The following ARHGAP8 variants were observed in gnomAD, a reference collection of about 807,000 sequenced individuals.
ARHGAP8 encodes the protein rho GTPase-activating protein 8.
ARHGAP8 carries 62 observed loss-of-function variants against 46.1 expected under a neutral mutation model. That is an observed-to-expected ratio of 1.34 (90% CI 1.10 to 1.66). The LOEUF (loss-of-function observed/expected upper bound fraction) is 1.66. Ranked by LOEUF, ARHGAP8 falls within the 40% of genes most tolerant of loss-of-function variation. The pLI, the probability that ARHGAP8 is intolerant of heterozygous loss-of-function variation, is 0.00. For missense variants in ARHGAP8, 923 were observed against 568.4 expected (o/e 1.62, Z -6.34); for synonymous variants, 375 against 243.1 (o/e 1.54, Z -5.05).
chr22:44,821,257 C>T lies in ARHGAP8; in HGVS notation c.387-1114C>T, dbSNP rs1930118772. On this transcript the variant is annotated intron_variant, in intron 5 of 11. Transcript: ENST00000356099. ...CCATCCTGGCTAACATGTTGAAACC[C>T]CGTCTCTACTAAAAATACAAAAATT... Among the ~76,000 whole-genome samples the T allele has an allele frequency of 2.6e-5, 4 of 151,948 alleles. No individual in the cohort carries two copies. In the South Asian group the frequency reaches 6.2e-4, roughly 24 times the overall value.
At chr22:44,851,745 T>C (rs1003015284) in intron 10 of ARHGAP8, among the ~76,000 whole-genome samples, 1 of 151,290 alleles carries the variant, frequency 6.6e-6, no homozygotes, top group Non-Finnish European at 1.5e-5. Context: ...GAGGCTGAGG[T>C]GGGAGATCAC....
At chr22:44,860,271 C>G (rs569870159) in intron 11 of ARHGAP8, among the ~76,000 whole-genome samples, 5 of 152,204 alleles carry the variant, frequency 3.3e-5, no homozygotes, top group African/African-American at 9.6e-5. Context: ...TCGTGGGTGC[C>G]TTAAAACAGA....
rs527743751 is a variant in ARHGAP8, at chr22:44,862,423, A to T, written c.1130A>T (p.Tyr377Phe). 6.2e-7 allele frequency: 1 copy of T among 1,614,064 alleles called. No individual in the cohort carries two copies. The highest frequency in any genetic ancestry group is 1.3e-5 in the African/African-American group (1 of 75,012). ...TTCACTGAACTGCTGATCGAGTACT[A>T]TGAAAAGATCTTCAGCACCCCGGAG... ...NMFTELLIEY[Y>F]EKIFSTPEAP... The change falls in exon 12 of 12, where the codon TAT (tyrosine) becomes TTT (phenylalanine). Residue 377 changes from tyrosine to phenylalanine, a missense_variant. Coordinates refer to ENST00000356099, the MANE Select transcript of ARHGAP8 (RefSeq NM_181335.3).
chr22:44,843,657 T>C (rs1931791844), intron 7 of ARHGAP8, among the ~76,000 whole-genome samples: 2 of 151,946 alleles, frequency 1.3e-5, no homozygotes, highest in South Asian at 4.2e-4. Flanking sequence ...GACAAAACCC[T>C]GTCTCTACAA....
chr22:44,852,777 C>T (rs2070128508), intron 10 of ARHGAP8, among the ~76,000 whole-genome samples: 1 of 152,112 alleles, frequency 6.6e-6, no homozygotes, highest in South Asian at 2.1e-4. Context: ...ACCATAAGTT[C>T]CGGGGATTTT....
intron 10 of ARHGAP8, among the ~76,000 whole-genome samples, chr22:44,856,944 CTTTTT>C (rs541676137): frequency 7.5e-6 from 1 of 133,522 alleles, no homozygotes; most frequent in Non-Finnish European, 1.6e-5. Flanking sequence ...AGTAAGAATT[CTTTTT>C]TTTTTTTTGA....
At chr22:44,833,096 C>CTTTTTTTTTTTTTTTTTTTTTTT (rs533794156) in intron 7 of ARHGAP8, among the ~76,000 whole-genome samples, 1 of 120,432 alleles carries the variant, frequency 8.3e-6, no homozygotes, top group Non-Finnish European at 1.7e-5. Flanking sequence ...CTTTTCTTTT[C>CTTTTTTTTTTTTTTTTTTTTTTT]TTTTTTTTTT....
Position 44,862,289 on chromosome 22 carries a change from C to G in ARHGAP8, c.996C>G (p.Ser332Arg). 6.3e-7 allele frequency: 1 copy of G among 1,594,310 alleles called. No homozygotes were observed. The highest frequency in any genetic ancestry group is 8.6e-7 in the Non-Finnish European group (1 of 1,164,936). ...GTTTCCTCCAGGTGTCCCGGGAGAG[C>G]ATCTTCAACAAAATGAACAGCTCTA... Reference protein sequence around the residue: ...MGFLHAVSRESIFNKMNSSNL... With the variant: ...MGFLHAVSRERIFNKMNSSNL... Residue 332 changes from serine (S) to arginine (R), a missense_variant, in exon 12 of 12, where the codon AGC becomes AGG. Physicochemically the swap from Ser to Arg is moderately radical, Grantham distance 110. Transcript: ENST00000356099.
rs532157985 is a variant in ARHGAP8 at position 44,806,096 on chromosome 22, T to C, written c.168-2211T>C. Among the ~76,000 whole-genome samples the C allele has an allele frequency of 3.4e-4, 52 of 152,230 alleles. 1 individual carries two copies. Among genetic ancestry groups the C allele is most frequent in the African/African-American group, 1.3e-3 (52 of 41,540 alleles). ...AGACATTGGCCTCAGTTTCCCTCTC[T>C]TGAAAAAGTCATTTGCGAAATACAA... On this transcript the variant is annotated intron_variant, in intron 3 of 11. Transcript: ENST00000356099.
At chr22:44,756,270 C>T (rs1299835847) in intron 1 of ARHGAP8, among the ~76,000 whole-genome samples, 5 of 151,960 alleles carry the variant, frequency 3.3e-5, no homozygotes, top group East Asian at 1.9e-4. Flanking sequence ...GAAACTCAGA[C>T]GGGGCAGTGG....
chr22:44,812,538 G>T (rs1929413339), intron 4 of ARHGAP8, among the ~76,000 whole-genome samples: 1 of 151,902 alleles, frequency 6.6e-6, no homozygotes, highest in Admixed American at 6.6e-5. Flanking sequence ...TGTATTTTTA[G>T]TGGAGACGGG....
At chr22:44,824,352 C>T (rs1213484544) in intron 6 of ARHGAP8, among the ~76,000 whole-genome samples, 1 of 152,222 alleles carries the variant, frequency 6.6e-6, no homozygotes, top group Non-Finnish European at 1.5e-5. Context: ...CACGTGGTAG[C>T]AGCTCACACG....
At chr22:44,858,015 C>T (rs6006893) in intron 10 of ARHGAP8, among the ~76,000 whole-genome samples, 22,674 of 152,128 alleles carry the variant, frequency 0.15, 2,209 homozygotes, top group African/African-American at 0.28. Flanking sequence ...AGGCACAACA[C>T]CCAGAGAAGG....
chr22:44,851,463 G>A (rs1205170660), intron 10 of ARHGAP8, among the ~76,000 whole-genome samples: 2 of 152,138 alleles, frequency 1.3e-5, no homozygotes, highest in African/African-American at 4.8e-5. Context: ...CCAGGCTGGA[G>A]TGCCGTGGCA....
intron 1 of ARHGAP8, among the ~76,000 whole-genome samples, chr22:44,763,576 G>T (rs1925313249): frequency 6.7e-6 from 1 of 149,824 alleles, no homozygotes. Context: ...ACGCATTAAA[G>T]ATTTTATTTA....
At chr22:44,859,634 A>C (rs1405757090) in intron 10 of ARHGAP8, 97 bp from the exon 11 acceptor site, 1 of 1,328,250 alleles carries the variant, frequency 7.5e-7, no homozygotes, top group African/African-American at 1.5e-5. Context: ...CCATCCTCAG[A>C]GCTGTCCTTC....
intron 1 of ARHGAP8, among the ~76,000 whole-genome samples, chr22:44,767,561 T>G (rs1925670395): frequency 6.6e-6 from 1 of 151,926 alleles, no homozygotes; most frequent in Admixed American, 6.6e-5. Flanking sequence ...AGCACTCTTT[T>G]ATAAACCAGA....
intron 5 of ARHGAP8, 121 bp from the exon 6 acceptor site, chr22:44,822,250 A>AT: frequency 1.2e-6 from 1 of 808,690 alleles, no homozygotes; most frequent in Non-Finnish European, 1.9e-6. Context: ...CAGCGTTTAC[A>AT]TTTTCTTAAT....
In ARHGAP8 at chr22:44,862,639, T is replaced by G; in HGVS notation, c.*44T>G. 1 of 1,514,400 alleles carries G rather than the reference T, an allele frequency of 6.6e-7. No individual in the cohort carries two copies. The highest frequency in any genetic ancestry group is 8.9e-7 in the Non-Finnish European group (1 of 1,129,090). The allele number at this position is 1,514,400 out of a possible 1,614,324, so 93.8% of individuals were successfully genotyped here. On this transcript the variant is annotated 3_prime_UTR_variant, in exon 12 of 12. Coordinates refer to ENST00000356099, the MANE Select transcript of ARHGAP8 (RefSeq NM_181335.3). ...TATTTCGAGCTACCTCCCACACCTGTCTGTGCACTTGTATGTTTTGTAAAC... is the reference window on the plus strand; with the variant it reads ...TATTTCGAGCTACCTCCCACACCTGGCTGTGCACTTGTATGTTTTGTAAAC...
Sources: gnomAD v4.1 joint callset for allele counts (sites outside exome capture counted in the v4.1 genomes callset) on GRCh38, gnomAD v4.1.1 for gene constraint, MANE v1.5 for transcripts, NCBI Gene and HGNC (gene_info 2026-07-23, HGNC 2026-07-21) for gene names.